The following PTPN4 variants were observed in gnomAD, a reference collection of about 807,000 sequenced individuals.
The protein encoded by PTPN4 is tyrosine-protein phosphatase non-receptor type 4.
In PTPN4, 49 loss-of-function variants were observed where a neutral mutation model predicts 135.5. The observed-to-expected ratio is 0.36, with a 90% CI of 0.29 to 0.46. The LOEUF is 0.46. Among genes scored for constraint, PTPN4 ranks in the 20% least tolerant of loss-of-function variants. The pLI is 1.00. For missense variants in PTPN4, 860 were observed against 1,101.0 expected, an observed-to-expected ratio of 0.78 and a Z score of 3.10; for synonymous variants, 333 against 369.9, an observed-to-expected ratio of 0.90 and a Z score of 1.14.
intron 2 of PTPN4, among the ~76,000 whole-genome samples, chr2:119,821,968 G>A (rs771636642): frequency 6.6e-6 from 1 of 151,662 alleles, no homozygotes; most frequent in African/African-American, 2.4e-5. Flanking sequence ...TTTAAAACGT[G>A]TTTTCCTTTT....
At chr2:119,944,578 A>G (rs1213760150) in intron 15 of PTPN4, among the ~76,000 whole-genome samples, 3 of 152,140 alleles carry the variant, frequency 2.0e-5, no homozygotes, top group East Asian at 3.9e-4. Flanking sequence ...GGCTCTGGTG[A>G]TGATCTCAGC....
At chr2:119,873,234 C>G (rs1015468015) in intron 3 of PTPN4, among the ~76,000 whole-genome samples, 11 of 151,476 alleles carry the variant, frequency 7.3e-5, no homozygotes, top group Admixed American at 2.6e-4. Flanking sequence ...GTATCTTTCC[C>G]CTAATTTGCA....
intron 2 of PTPN4, among the ~76,000 whole-genome samples, chr2:119,847,458 G>A (rs1677521937): frequency 6.6e-6 from 1 of 151,528 alleles, no homozygotes; most frequent in Non-Finnish European, 1.5e-5. Context: ...CTCCTGAGTA[G>A]CTGGGATTAC....
chr2:119,939,834 AT>A (rs1372779104), intron 15 of PTPN4, among the ~76,000 whole-genome samples: 1 of 152,138 alleles, frequency 6.6e-6, no homozygotes, highest in African/African-American at 2.4e-5. Flanking sequence ...CTAGCAATAT[AT>A]TGTGAACTCT....
intron 5 of PTPN4, among the ~76,000 whole-genome samples, chr2:119,878,369 T>C (rs1250600579): frequency 1.3e-5 from 2 of 152,206 alleles, no homozygotes; most frequent in East Asian, 1.9e-4. Context: ...TAGCATGTTA[T>C]ACTCTCTGTA....
chr2:119,903,556 G>GACACACACAC (rs35324437), intron 10 of PTPN4, among the ~76,000 whole-genome samples: 18 of 147,750 alleles, frequency 1.2e-4, no homozygotes, highest in African/African-American at 4.2e-4. Flanking sequence ...TGCAGCTGCT[G>GACACACACAC]ACACACACAC....
At position 119,829,390 on chromosome 2, in the gene PTPN4, T is replaced by C. The variant is rs1181274695; in HGVS notation, c.138+19399T>C. On this transcript the variant is annotated intron_variant, in intron 2 of 26. Transcript: ENST00000263708. ...TATATATACAATTCAGTGGTATCAA[T>C]TAAGTTCACAATGTTGTATAACCTT... 2.6e-4 allele frequency among the ~76,000 whole-genome samples: 40 copies of C among 152,254 alleles called. 1 individual carries two copies. Among genetic ancestry groups the C allele is most frequent in the Non-Finnish European group, 1.5e-5 (1 of 68,040 alleles).
At chr2:119,921,234 C>T (rs1244199511) in intron 12 of PTPN4, among the ~76,000 whole-genome samples, 1 of 151,844 alleles carries the variant, frequency 6.6e-6, no homozygotes, top group African/African-American at 2.4e-5. Flanking sequence ...TTTCATGAGC[C>T]GACATCTCGC....
At chr2:119,798,748 T>C (rs1480801523) in intron 1 of PTPN4, among the ~76,000 whole-genome samples, 1 of 152,264 alleles carries the variant, frequency 6.6e-6, no homozygotes, top group Non-Finnish European at 1.5e-5. Flanking sequence ...TAGGTCTATA[T>C]TTATTTGGAT....
At chr2:119,931,210 G>T (rs577442275) in intron 13 of PTPN4, among the ~76,000 whole-genome samples, 2 of 151,974 alleles carry the variant, frequency 1.3e-5, no homozygotes, top group Non-Finnish European at 2.9e-5. Context: ...CTTTATATAT[G>T]TAGCTTAAAT....
At chr2:119,821,389 C>T (rs1427866748) in intron 2 of PTPN4, among the ~76,000 whole-genome samples, 1 of 152,002 alleles carries the variant, frequency 6.6e-6, no homozygotes, top group Non-Finnish European at 1.5e-5. Flanking sequence ...CCGCCTCTGG[C>T]CTCTATAATT....
At chr2:119,761,432 G>A (rs1293419716) in intron 1 of PTPN4, among the ~76,000 whole-genome samples, 1 of 152,080 alleles carries the variant, frequency 6.6e-6, no homozygotes, top group Non-Finnish European at 1.5e-5. Flanking sequence ...ATGGAATAGA[G>A]CTAGGTATAT....
At chr2:119,849,427 A>T (rs1394982383) in intron 2 of PTPN4, among the ~76,000 whole-genome samples, 1 of 152,104 alleles carries the variant, frequency 6.6e-6, no homozygotes, top group Non-Finnish European at 1.5e-5. Context: ...CAGCCTCCTG[A>T]GTAGCTGGGA....
At chr2:119,841,137 G>A (rs1293931198) in intron 2 of PTPN4, among the ~76,000 whole-genome samples, 1 of 150,992 alleles carries the variant, frequency 6.6e-6, no homozygotes, top group Non-Finnish European at 1.5e-5. Flanking sequence ...GATTGCTTTT[G>A]GATATTTTCT....
At chr2:119,942,842 A>G (rs1189665631) in intron 15 of PTPN4, among the ~76,000 whole-genome samples, 1 of 152,138 alleles carries the variant, frequency 6.6e-6, no homozygotes, top group Admixed American at 6.5e-5. Context: ...TTCCCTAGAC[A>G]AGCAATACTT....
At chr2:119,814,441 T>C (rs1676957517) in intron 2 of PTPN4, among the ~76,000 whole-genome samples, 1 of 152,198 alleles carries the variant, frequency 6.6e-6, no homozygotes, top group African/African-American at 2.4e-5. Context: ...AGAAGTCATG[T>C]AGGGGCTGTT....
chr2:119,940,350 A>G (rs557684668), intron 15 of PTPN4, among the ~76,000 whole-genome samples: 22 of 152,352 alleles, frequency 1.4e-4, no homozygotes, highest in Non-Finnish European at 1.9e-4. Context: ...CTAATGTAAT[A>G]TAAGTAGAGT....
rs922114573 is a variant in PTPN4, at chr2:119,821,259, A to G, written c.138+11268A>G. 7.2e-5 allele frequency among the ~76,000 whole-genome samples: 11 copies of G among 151,780 alleles called. 1 individual carries two copies. The highest frequency in any genetic ancestry group is 2.7e-4 in the African/African-American group (11 of 41,304). Reference sequence around the variant, plus strand: ...AGGCGCCTGCCACCATGCCCAGCTAATTTTTATATTTTTAGTAGAGATGAG... The same window carrying G: ...AGGCGCCTGCCACCATGCCCAGCTAGTTTTTATATTTTTAGTAGAGATGAG... On this transcript the variant is annotated intron_variant, in intron 2 of 26. Transcript: ENST00000263708.
intron 1 of PTPN4, among the ~76,000 whole-genome samples, chr2:119,777,287 T>C (rs1304697208): frequency 6.6e-6 from 1 of 152,224 alleles, no homozygotes; most frequent in East Asian, 1.9e-4. Context: ...TTTTACTTTT[T>C]AAGTCTCTGC....
Sources: allele counts gnomAD v4.1 joint callset (sites outside exome capture counted in the v4.1 genomes callset), GRCh38; gene constraint gnomAD v4.1.1; transcripts MANE v1.5; gene names NCBI Gene and HGNC (gene_info 2026-07-23, HGNC 2026-07-21).